NKX6-1: variants seen among roughly 807,000 people sequenced by gnomAD.
NKX6-1 encodes homeobox protein Nkx-6.1.
NKX6-1 carries 11 observed loss-of-function variants against 24.9 expected under a neutral mutation model. The observed-to-expected ratio is 0.44, with a 90% CI of 0.28 to 0.73. The LOEUF (loss-of-function observed/expected upper bound fraction) is 0.73. Ranked by LOEUF, NKX6-1 falls within the 30% of genes least tolerant of loss-of-function variation. The pLI, the probability that NKX6-1 is intolerant of heterozygous loss-of-function variation, is 0.15. For missense variants in NKX6-1, 487 were observed against 502.9 expected (o/e 0.97, Z 0.30); for synonymous variants, 277 against 242.9 (o/e 1.14, Z -1.31).
Position 84,497,905 on chromosome 4 carries a change from G to T in NKX6-1, c.324C>A (p.Pro108=). The change falls in exon 1 of 3, where the codon CCC becomes CCA. Residue 108 remains proline, a synonymous_variant. Coordinates refer to ENST00000295886, the MANE Select transcript of NKX6-1 (RefSeq NM_006168.3). The surrounding 1 kb of genome is among the most constrained non-coding windows in gnomAD (Gnocchi z 4.8). The part of the protein sequence containing the change: ...INDILSRPSM[P]VASGAALPSA... ...AGGGCAGGGCGGCCCCCGAGGCCAC[G>T]GGCATGGAGGGCCGGCTCAGGATAT... 1.5e-6 allele frequency: 2 copies of T among 1,294,290 alleles called. No individual in the cohort carries two copies. The highest frequency in any genetic ancestry group is 9.8e-7 in the Non-Finnish European group (1 of 1,019,734). The allele number at this position is 1,294,290 out of a possible 1,614,324, so 80.2% of individuals were successfully genotyped here.
chr4:84,497,911 G>T lies in NKX6-1; in HGVS notation c.318C>A (p.Ser106=). The T allele has an allele frequency of 7.7e-7, 1 of 1,298,546 alleles. No individual in the cohort carries two copies. The highest frequency in any genetic ancestry group is 2.8e-5 in the East Asian group (1 of 35,164). The allele number at this position is 1,298,546 out of a possible 1,614,324, so 80.4% of individuals were successfully genotyped here. A position where few individuals can be genotyped will look rare whatever the true frequency, so the allele number is the denominator to read the frequency against. Residue 106 remains serine (S), a synonymous_variant, in exon 1 of 3, where the codon TCC becomes TCA. Transcript: ENST00000295886. The surrounding 1 kb of genome is among the most constrained non-coding windows in gnomAD (Gnocchi z 4.8). ...HGINDILSRP[S]MPVASGAALP... ...GGGCGGCCCCCGAGGCCACGGGCAT[G>T]GAGGGCCGGCTCAGGATATCGTTGA...
Position 84,493,523 on chromosome 4 carries a change from C to T in NKX6-1, c.870G>A (p.Lys290=). Residue 290 remains lysine, a synonymous_variant, in exon 3 of 3, where the codon AAG becomes AAA. Coordinates refer to ENST00000295886, the MANE Select transcript of NKX6-1 (RefSeq NM_006168.3). This position sits in a 1 kb window ranked among gnomAD's most constrained non-coding sequence, Gnocchi z 5.1. ...TCTCGGCAGCGTGCTTCTTCCTCCA[C>T]TTGGTCCGGCGGTTCTGGAACCAGA... The part of the protein sequence containing the change: ...VKVWFQNRRT[K]WRKKHAAEMA... 1.9e-6 allele frequency: 3 copies of T among 1,614,218 alleles called. No homozygotes were observed. The highest frequency in any genetic ancestry group is 2.5e-6 in the Non-Finnish European group (3 of 1,180,048).
chr4:84,495,583 G>T, intron 2 of NKX6-1, 89 bp downstream of exon 2: 2 of 1,074,398 alleles, frequency 1.9e-6, no homozygotes, highest in South Asian at 3.2e-5. Flanking sequence ...TGTTAGTTTG[G>T]GGTGTGTGTG....
rs1411298377 is a variant in NKX6-1 at position 84,495,666 on chromosome 4, A to G, written c.843+6T>C. On this transcript the variant is annotated splice_donor_region_variant and intron_variant, in intron 2 of 2. Coordinates refer to ENST00000295886, the MANE Select transcript of NKX6-1 (RefSeq NM_006168.3). ...CTATCCCTCCAGGTATGCAAGGTCC[A>G]CTCACCTTGACCTGACTCTCTGTCA... 6.2e-7 allele frequency: 1 copy of G among 1,611,136 alleles called. No homozygotes were observed. Among genetic ancestry groups the G allele is most frequent in the South Asian group, 1.1e-5 (1 of 90,948 alleles).
In NKX6-1 at chr4:84,493,732, C is replaced by T. The variant is rs914463406; in HGVS notation, c.844-183G>A. On this transcript the variant is annotated intron_variant, in intron 2 of 2. Coordinates refer to ENST00000295886, the MANE Select transcript of NKX6-1 (RefSeq NM_006168.3). The surrounding 1 kb of genome is among the most constrained non-coding windows in gnomAD (Gnocchi z 5.1). The stretch of plus-strand genomic sequence containing the variant: ...AGTCAGTCTCCGTCGCCCCAAGTTC[C>T]CCCTGAGTAACTGGCACCAACAAAC... Among the ~76,000 whole-genome samples, 2 of 152,192 alleles carry T rather than the reference C, an allele frequency of 1.3e-5. No homozygotes were observed. The highest frequency in any genetic ancestry group is 4.8e-5 in the African/African-American group (2 of 41,450).
rs1720888746 is a variant in NKX6-1, at chr4:84,498,882, G to T, written c.-654C>A. Reference sequence around the variant, plus strand: ...CACGCTGCCCCGGGCTGCTGCGCCAGAAAGGGCAGTGCCACGGATCCCCGC... The same window carrying T: ...CACGCTGCCCCGGGCTGCTGCGCCATAAAGGGCAGTGCCACGGATCCCCGC... On this transcript the variant is annotated 5_prime_UTR_variant, in exon 1 of 3. It adds an upstream start codon to the 5' untranslated region. Coordinates refer to ENST00000295886, the MANE Select transcript of NKX6-1 (RefSeq NM_006168.3). Among the ~76,000 whole-genome samples the T allele has an allele frequency of 6.6e-6, 1 of 152,246 alleles. No individual in the cohort carries two copies. Among genetic ancestry groups the T allele is most frequent in the Admixed American group, 6.5e-5 (1 of 15,288 alleles).
At chr4:84,495,323 C>T (rs1165263821) in intron 2 of NKX6-1, among the ~76,000 whole-genome samples, 1 of 152,210 alleles carries the variant, frequency 6.6e-6, no homozygotes, top group Non-Finnish European at 1.5e-5. Context: ...TATGTAGAAG[C>T]TGTCTAACTG....
Position 84,498,283 on chromosome 4 carries a change from C to A in NKX6-1, c.-55G>T, listed in dbSNP as rs1050074518. On this transcript the variant is annotated 5_prime_UTR_variant, in exon 1 of 3. Coordinates refer to ENST00000295886, the MANE Select transcript of NKX6-1 (RefSeq NM_006168.3). ...GCAGCGAGGGCGCTGGCTGGTGCCC[C>A]CCGCGGGGCTCAGAGGAGCCGGAAG... 8.4e-4 allele frequency: 1,081 copies of A among 1,282,112 alleles called. 1 individual carries two copies. The highest frequency in any genetic ancestry group is 1.0e-3 in the Non-Finnish European group (1,017 of 1,014,920). The allele number at this position is 1,282,112 out of a possible 1,614,324, so 79.4% of individuals were successfully genotyped here.
Position 84,493,121 on chromosome 4 carries a change from T to TA in NKX6-1, c.*167dup, listed in dbSNP as rs1278634531. 1.5e-5 allele frequency: 8 copies of TA among 533,404 alleles called. 1 individual carries two copies. The Admixed American group carries it at 1.8e-4, about 12-fold the overall frequency. 33.0% of individuals were successfully genotyped at this position (533,404 alleles called of 1,614,324 possible). A position where few individuals can be genotyped will look rare whatever the true frequency, so the allele number is the denominator to read the frequency against. On this transcript the variant is annotated 3_prime_UTR_variant, in exon 3 of 3. Transcript: ENST00000295886. This position sits in a 1 kb window ranked among gnomAD's most constrained non-coding sequence, Gnocchi z 5.1. The stretch of plus-strand genomic sequence containing the variant: ...ACATCCCCTCCCACAACTTCAAGGT[T>TA]AAAAAAATAGATATGTACATCTCAA...
Position 84,493,007 on chromosome 4 carries a change from G to A in NKX6-1, c.*282C>T, listed in dbSNP as rs1248832746. 2 of 225,290 alleles carry A rather than the reference G, an allele frequency of 8.9e-6. No individual in the cohort carries two copies. Among genetic ancestry groups the A allele is most frequent in the Non-Finnish European group, 8.6e-6 (1 of 116,906 alleles). 14.0% of individuals were successfully genotyped at this position (225,290 alleles called of 1,614,324 possible). Reference sequence around the variant, plus strand: ...CGCCTATGGGGACGCGGCTGGGACCGTGGCCCGGCTGCGGGTTTCAGTAGC... The same window carrying A: ...CGCCTATGGGGACGCGGCTGGGACCATGGCCCGGCTGCGGGTTTCAGTAGC... On this transcript the variant is annotated 3_prime_UTR_variant, in exon 3 of 3. Coordinates refer to ENST00000295886, the MANE Select transcript of NKX6-1 (RefSeq NM_006168.3). The surrounding 1 kb of genome is among the most constrained non-coding windows in gnomAD (Gnocchi z 5.1).
intron 2 of NKX6-1, 21 bp downstream of exon 2, chr4:84,495,651 A>T (rs773333210): frequency 6.2e-7 from 1 of 1,606,876 alleles, no homozygotes; most frequent in Non-Finnish European, 8.5e-7. Flanking sequence ...CTATCCCTCC[A>T]GGTATGCAAG....
intron 2 of NKX6-1, among the ~76,000 whole-genome samples, chr4:84,494,060 CT>C (rs143040124): frequency 9.3e-5 from 14 of 151,214 alleles, no homozygotes; most frequent in Non-Finnish European, 2.1e-4. Context: ...TACTTCTGTT[CT>C]CCTTTTCACT....
intron 2 of NKX6-1, among the ~76,000 whole-genome samples, chr4:84,494,582 T>C (rs1720784659): frequency 6.6e-6 from 1 of 152,236 alleles, no homozygotes; most frequent in Non-Finnish European, 1.5e-5. Context: ...TCTAGCCATA[T>C]AGACATATTT....
Position 84,498,759 on chromosome 4 carries a change from C to T in NKX6-1, c.-531G>A, listed in dbSNP as rs554346603. ...ATCTTACTGGGATGCTCTGCTCTTT[C>T]GGTCGCGCGGCTGATTCGCATTCGA... On this transcript the variant is annotated 5_prime_UTR_variant, in exon 1 of 3. Coordinates refer to ENST00000295886, the MANE Select transcript of NKX6-1 (RefSeq NM_006168.3). Among the ~76,000 whole-genome samples the T allele has an allele frequency of 1.1e-4, 17 of 152,206 alleles. No homozygotes were observed. The highest frequency in any genetic ancestry group is 4.1e-4 in the African/African-American group (17 of 41,474).
rs1415144491 is a variant in NKX6-1, at chr4:84,496,119, A to G, written c.671-275T>C. On this transcript the variant is annotated intron_variant, in intron 1 of 2. Transcript: ENST00000295886. ...CAAACAGCTAGGGAGCCTATTGCTA[A>G]AGTTTGCCAGAGCCTAATCGCAAGG... Among the ~76,000 whole-genome samples the G allele has an allele frequency of 4.3e-4, 66 of 152,138 alleles. 1 individual carries two copies. Among genetic ancestry groups the G allele is most frequent in the Non-Finnish European group, 2.9e-5 (2 of 68,038 alleles).
At chr4:84,496,606 A>G (rs1720826414) in intron 1 of NKX6-1, 1 of 152,276 alleles carries the variant, frequency 6.6e-6, no homozygotes, top group South Asian at 2.1e-4. Flanking sequence ...ACTGAGCGAG[A>G]AAAGGACCCC....
In NKX6-1 at chr4:84,497,886, G is replaced by C; in HGVS notation, c.343C>G (p.Leu115Val). The stretch of plus-strand genomic sequence containing the variant: ...GAACCGGAGGGCGAGGCGGAGGGCA[G>C]GGCGGCCCCCGAGGCCACGGGCATG... ...PSMPVASGAA[L>V]PSASPSGSSS... The change falls in exon 1 of 3, where the codon CTG (leucine) becomes GTG (valine). Residue 115 changes from leucine (L) to valine (V), a missense_variant. By Grantham distance (32) the Leu-to-Val change is conservative. Transcript: ENST00000295886. This position sits in a 1 kb window ranked among gnomAD's most constrained non-coding sequence, Gnocchi z 4.8. 1 of 1,280,910 alleles carries C rather than the reference G, an allele frequency of 7.8e-7. No homozygotes were observed. The highest frequency in any genetic ancestry group is 9.9e-7 in the Non-Finnish European group (1 of 1,014,356). The allele number at this position is 1,280,910 out of a possible 1,614,324, so 79.3% of individuals were successfully genotyped here.
At chr4:84,496,193 T>A (rs1720816055) in intron 1 of NKX6-1, among the ~76,000 whole-genome samples, 1 of 151,770 alleles carries the variant, frequency 6.6e-6, no homozygotes, top group Admixed American at 6.6e-5. Flanking sequence ...CGCCTCCTAA[T>A]CCAGTCGGTG....
At position 84,499,094 on chromosome 4, in the gene NKX6-1, C is replaced by G. The variant is rs1720893505; in HGVS notation, c.-866G>C. Reference sequence around the variant, plus strand: ...TGCAAACGGGCCCGGCGACCCCCGCCCCACCCCCGCTCCCTCTCTCCCTCT... The same window carrying G: ...TGCAAACGGGCCCGGCGACCCCCGCGCCACCCCCGCTCCCTCTCTCCCTCT... On this transcript the variant is annotated 5_prime_UTR_variant, in exon 1 of 3. Transcript: ENST00000295886. Among the ~76,000 whole-genome samples the G allele has an allele frequency of 6.6e-6, 1 of 152,234 alleles. No homozygotes were observed. The highest frequency in any genetic ancestry group is 2.1e-4 in the South Asian group (1 of 4,832).
Sources: allele counts gnomAD v4.1 joint callset (sites outside exome capture counted in the v4.1 genomes callset), GRCh38; gene constraint gnomAD v4.1.1; non-coding constraint Gnocchi (gnomAD v3.1); transcripts MANE v1.5; gene names NCBI Gene and HGNC (gene_info 2026-07-23, HGNC 2026-07-21).